The following MOBP variants were observed in gnomAD, a reference collection of about 807,000 sequenced individuals.
MOBP encodes the protein myelin-associated oligodendrocyte basic protein.
MOBP carries 5 observed loss-of-function variants against 15.0 expected under a neutral mutation model. The ratio of observed to expected loss-of-function variants is 0.33; its 90% CI spans 0.17 to 0.70. MOBP has a LOEUF of 0.70. Ranked by LOEUF, MOBP falls within the 30% of genes least tolerant of loss-of-function variation. The probability of loss-of-function intolerance (pLI) is 0.67; values close to 1 mark genes in which losing one functional copy is unlikely to be tolerated. For missense variants in MOBP, 188 were observed against 257.8 expected, an observed-to-expected ratio of 0.73 and a Z score of 1.85; for synonymous variants, 88 against 99.0, an observed-to-expected ratio of 0.89 and a Z score of 0.66.
downstream of MOBP, among the ~76,000 whole-genome samples, chr3:39,520,058 C>T (rs2043247753): frequency 6.6e-6 from 1 of 150,640 alleles, no homozygotes; most frequent in African/African-American, 2.4e-5. Context: ...ATTCTTATTG[C>T]TCTGGACTTT....
At chr3:39,521,164 C>G (rs1222741960) in intron 3 of MOBP, among the ~76,000 whole-genome samples, 1 of 152,008 alleles carries the variant, frequency 6.6e-6, no homozygotes, top group Admixed American at 6.6e-5. Flanking sequence ...TAGCCAGGTT[C>G]GCCTTGAACT....
intron 2 of MOBP, among the ~76,000 whole-genome samples, chr3:39,495,883 T>C (rs1208309036): frequency 1.3e-5 from 2 of 150,082 alleles, no homozygotes; most frequent in African/African-American, 4.9e-5. Context: ...ATGAAGTAGA[T>C]AGCTTCTGAC....
At chr3:39,519,731 C>G (rs556949543), downstream of MOBP, among the ~76,000 whole-genome samples, 1 of 152,030 alleles carries the variant, frequency 6.6e-6, no homozygotes, top group Non-Finnish European at 1.5e-5. Flanking sequence ...TTTCCTAAAC[C>G]GCAGCTTCTT....
At chr3:39,491,624 C>T (rs1559419933) in intron 2 of MOBP, among the ~76,000 whole-genome samples, 1 of 152,190 alleles carries the variant, frequency 6.6e-6, no homozygotes, top group Non-Finnish European at 1.5e-5. Context: ...TGAGTTTCCT[C>T]TATGGTGTAA....
exon 5 of MOBP, chr3:39,515,118 T>C (rs2043183642): frequency 6.6e-6 from 1 of 152,282 alleles, no homozygotes; most frequent in Non-Finnish European, 1.5e-5. Flanking sequence ...GCCTGACCAC[T>C]GAAGCTGATC....
chr3:39,506,559 C>G (rs570671343), downstream of MOBP, among the ~76,000 whole-genome samples: 1 of 152,116 alleles, frequency 6.6e-6, no homozygotes, highest in Non-Finnish European at 1.5e-5. Context: ...TAGACATGTG[C>G]GTCAGTTATC....
exon 5 of MOBP, chr3:39,514,245 C>T (rs1003512565): frequency 1.3e-5 from 2 of 152,208 alleles, no homozygotes; most frequent in Non-Finnish European, 2.9e-5. Flanking sequence ...CTTGCTCAGC[C>T]CATCTGAACT....
At chr3:39,469,631 A>T (rs1331891367) in intron 1 of MOBP, among the ~76,000 whole-genome samples, 1 of 152,040 alleles carries the variant, frequency 6.6e-6, no homozygotes, top group Non-Finnish European at 1.5e-5. Flanking sequence ...TAAGCCAGTT[A>T]TTTTGCTAAA....
At chr3:39,513,573 A>G (rs2043149890) in exon 5 of MOBP, 1 of 788,206 alleles carries the variant, frequency 1.3e-6, no homozygotes, top group South Asian at 1.8e-5. Flanking sequence ...CATGGTCCCC[A>G]TGGCATGGGG....
intron 2 of MOBP, among the ~76,000 whole-genome samples, chr3:39,490,783 G>T (rs1006377130): frequency 2.0e-5 from 3 of 152,084 alleles, no homozygotes; most frequent in African/African-American, 7.2e-5. Flanking sequence ...GGCTGGTCTC[G>T]AACGCTTGAC....
At chr3:39,469,195 T>C (rs1351205868) in intron 1 of MOBP, among the ~76,000 whole-genome samples, 1 of 106,822 alleles carries the variant, frequency 9.4e-6, no homozygotes, top group African/African-American at 4.5e-5. Flanking sequence ...TGTGTGTATA[T>C]ACATATATAC....
intron 2 of MOBP, among the ~76,000 whole-genome samples, chr3:39,498,815 T>G (rs1465211823): frequency 2.0e-5 from 3 of 151,942 alleles, no homozygotes; most frequent in Non-Finnish European, 4.4e-5. Context: ...GAAGTTGTCA[T>G]GGAGTAAGAA....
intron 1 of MOBP, among the ~76,000 whole-genome samples, chr3:39,479,334 A>C (rs1266976756): frequency 6.6e-6 from 1 of 152,028 alleles, no homozygotes; most frequent in African/African-American, 2.4e-5. Context: ...ACCAACTAGA[A>C]TTACAGGGTT....
downstream of MOBP, chr3:39,517,623 T>G (rs2043219675): frequency 1.3e-5 from 2 of 152,256 alleles, no homozygotes; most frequent in South Asian, 4.1e-4. Flanking sequence ...AGTGGTTTTC[T>G]AAATGGTTTA....
exon 5 of MOBP, chr3:39,513,510 C>T: frequency 7.4e-7 from 1 of 1,351,720 alleles, no homozygotes; most frequent in Non-Finnish European, 1.0e-6. Context: ...AGTTATCTGG[C>T]TTCAAATATT....
intron 2 of MOBP, among the ~76,000 whole-genome samples, chr3:39,495,593 GA>G (rs903341669): frequency 1.0e-4 from 15 of 148,352 alleles, no homozygotes; most frequent in African/African-American, 1.5e-4. Context: ...CTCTACAGAA[GA>G]AAAAAAAAAT....
intron 2 of MOBP, among the ~76,000 whole-genome samples, chr3:39,496,390 G>A (rs565511022): frequency 1.3e-5 from 2 of 151,704 alleles, no homozygotes; most frequent in South Asian, 2.1e-4. Context: ...CAGTAGAGAC[G>A]GGGTTTCACC....
exon 5 of MOBP, chr3:39,513,583 G>GACCAT: frequency 2.8e-6 from 2 of 716,050 alleles, no homozygotes; most frequent in Non-Finnish European, 4.7e-6. Flanking sequence ...ATGGCATGGG[G>GACCAT]GCCTCAGGGC....
intron 4 of MOBP, among the ~76,000 whole-genome samples, chr3:39,511,404 A>G (rs1472674655): frequency 6.6e-6 from 1 of 152,224 alleles, no homozygotes. Context: ...CTGTGCTACA[A>G]TACGATGACT....
Sources: allele counts gnomAD v4.1 joint callset (sites outside exome capture counted in the v4.1 genomes callset), GRCh38; gene constraint gnomAD v4.1.1; transcripts MANE v1.5; gene names NCBI Gene and HGNC (gene_info 2026-07-23, HGNC 2026-07-21).